Variants in SEC31A observed in about 807,000 individuals in gnomAD.
SEC31A encodes the protein SEC31 homolog A, COPII component.
SEC31A carries 70 observed loss-of-function variants against 151.0 expected under a neutral mutation model. That is an observed-to-expected ratio of 0.46 (90% CI 0.38 to 0.57). The LOEUF (loss-of-function observed/expected upper bound fraction) is 0.57. Ranked by LOEUF, SEC31A falls within the 20% of genes least tolerant of loss-of-function variation. The pLI is 0.00. For missense variants in SEC31A, 1,330 were observed against 1,471.2 expected (o/e 0.90, Z 1.57); for synonymous variants, 475 against 505.9 (o/e 0.94, Z 0.82).
Position 82,851,588 on chromosome 4 carries a change from A to C in SEC31A, c.2171T>G (p.Val724Gly), listed in dbSNP as rs1390871105. The change falls in exon 19 of 27, where the codon GTT becomes GGT. Residue 724 changes from valine to glycine, a missense_variant. Physicochemically the swap from Val to Gly is moderately radical, Grantham distance 109 (BLOSUM62 -3). Coordinates refer to ENST00000395310, the MANE Select transcript of SEC31A (RefSeq NM_001077207.4). Reference sequence around the variant, plus strand: ...TTGCACAGCTTTTCGCAGGATGACAACTTTCTCAATCAGATCCTAAATGAA... The same window carrying C: ...TTGCACAGCTTTTCGCAGGATGACACCTTTCTCAATCAGATCCTAAATGAA... ...PLSLQDLIEKVVILRKAVQLT... is the reference protein window; with the variant it reads ...PLSLQDLIEKGVILRKAVQLT... 1.2e-6 allele frequency: 2 copies of C among 1,610,878 alleles called. No individual in the cohort carries two copies. The highest frequency in any genetic ancestry group is 2.2e-5 in the East Asian group (1 of 44,792).
intron 22 of SEC31A, among the ~76,000 whole-genome samples, chr4:82,839,132 A>G (rs1019771498): frequency 6.6e-6 from 1 of 151,388 alleles, no homozygotes; most frequent in Non-Finnish European, 1.5e-5. Context: ...GCCCGCCACC[A>G]CGTCCAGCTA....
At position 82,824,623 on chromosome 4, in the gene SEC31A, C is replaced by T. The variant is rs763431654; in HGVS notation, c.3343G>A (p.Glu1115Lys). 54 of 1,613,892 alleles carry T rather than the reference C, an allele frequency of 3.3e-5. No homozygotes were observed. Among genetic ancestry groups the T allele is most frequent in the Non-Finnish European group, 3.9e-5 (46 of 1,179,940 alleles). ...KKITKKPIPD[E>K]HLILKTTFED... ...AATGTGGTCTTTAGAATGAGGTGCT[C>T]ATCTGGAATAGGTTTCTTGGTAATT... The change falls in exon 25 of 27, where the codon GAG (glutamate) becomes AAG (lysine). Residue 1115 changes from glutamate to lysine, a missense_variant. By Grantham distance (56) the Glu-to-Lys change is moderately conservative. Coordinates refer to ENST00000395310, the MANE Select transcript of SEC31A (RefSeq NM_001077207.4).
intron 14 of SEC31A, among the ~76,000 whole-genome samples, chr4:82,858,781 C>A (rs903879565): frequency 6.6e-6 from 1 of 151,576 alleles, no homozygotes; most frequent in Non-Finnish European, 1.5e-5. Flanking sequence ...CGGCTCACTG[C>A]AAACTCTGCC....
chr4:82,871,355 T>C, intron 7 of SEC31A: 1 of 1,518,804 alleles, frequency 6.6e-7, no homozygotes, highest in Non-Finnish European at 8.8e-7. Flanking sequence ...GTAGGTACAG[T>C]AAAATGTTTT....
chr4:82,848,716 G>A, intron 20 of SEC31A, 88 bp downstream of exon 20: 2 of 1,122,882 alleles, frequency 1.8e-6, no homozygotes, highest in Non-Finnish European at 2.5e-6. Flanking sequence ...TACCATATCA[G>A]AGAAGGTCTC....
chr4:82,867,409 T>C (rs2045479), intron 8 of SEC31A, 93 bp from the exon 9 acceptor site: 985,235 of 997,644 alleles, frequency 0.99, 487,250 homozygotes, highest in East Asian at 1. Flanking sequence ...ACAAGTATAG[T>C]TAAATTGAAT....
rs140565145 is a variant in SEC31A at position 82,869,679 on chromosome 4, T to C, written c.882+646A>G. On this transcript the variant is annotated intron_variant, in intron 8 of 26. Transcript: ENST00000395310. Reference sequence around the variant, plus strand: ...TTAATTTTTTTTCTCTTGTCTCCCCTAATGTTAATGATTCTATATTGTTAC... The same window carrying C: ...TTAATTTTTTTTCTCTTGTCTCCCCCAATGTTAATGATTCTATATTGTTAC... 3.0e-3 allele frequency among the ~76,000 whole-genome samples: 454 copies of C among 152,304 alleles called. 2 individuals are homozygous for C. The highest frequency in any genetic ancestry group is 0.01 in the African/African-American group (427 of 41,578).
At chr4:82,864,644 G>C (rs1210822995) in intron 10 of SEC31A, 46 bp from the exon 11 acceptor site, 2 of 1,542,662 alleles carry the variant, frequency 1.3e-6, no homozygotes, top group Non-Finnish European at 1.8e-6. Flanking sequence ...CCAAGGATAT[G>C]GCCAAAAAAA....
At chr4:82,867,078 T>C (rs1735578490) in intron 9 of SEC31A, 77 bp downstream of exon 9, 2 of 1,545,792 alleles carry the variant, frequency 1.3e-6, no homozygotes. Flanking sequence ...TGTTAATCAG[T>C]GAAGTCATTT....
chr4:82,858,268 G>A (rs188405108), intron 14 of SEC31A, among the ~76,000 whole-genome samples: 10 of 151,872 alleles, frequency 6.6e-5, no homozygotes, highest in South Asian at 2.1e-4. Flanking sequence ...AAAATTGGCC[G>A]GGTGCTGTGA....
At chr4:82,870,119 C>A (rs1458969036) in intron 8 of SEC31A, among the ~76,000 whole-genome samples, 1 of 152,146 alleles carries the variant, frequency 6.6e-6, no homozygotes, top group Non-Finnish European at 1.5e-5. Context: ...TTAAAATATA[C>A]TATTTGAATT....
chr4:82,856,447 C>G (rs1732679075), intron 16 of SEC31A, among the ~76,000 whole-genome samples: 1 of 151,768 alleles, frequency 6.6e-6, no homozygotes, highest in Non-Finnish European at 1.5e-5. Context: ...CTGCGCCCAG[C>G]CGCAATTAAA....
chr4:82,851,311 G>A (rs888907589), intron 19 of SEC31A, 120 bp downstream of exon 19: 2 of 736,758 alleles, frequency 2.7e-6, no homozygotes, highest in African/African-American at 1.8e-5. Context: ...CTGCAGTCAG[G>A]TTACAGAAAT....
Position 82,851,517 on chromosome 4 carries a change from C to T in SEC31A, c.2242G>A (p.Ala748Thr). 6.2e-7 allele frequency: 1 copy of T among 1,614,106 alleles called. No individual in the cohort carries two copies. The highest frequency in any genetic ancestry group is 8.5e-7 in the Non-Finnish European group (1 of 1,179,950). Reference sequence around the variant, plus strand: ...AAATTGGCATACTGACTCATCTTCGCAGCCAAGAGAACTCCTACAGTACTA... The same window carrying T: ...AAATTGGCATACTGACTCATCTTCGTAGCCAAGAGAACTCCTACAGTACTA... ...DTSTVGVLLA[A>T]KMSQYANLLA... Residue 748 changes from alanine (A) to threonine (T), a missense_variant, in exon 19 of 27, where the codon GCG becomes ACG. Physicochemically the swap from Ala to Thr is moderately conservative, Grantham distance 58. Coordinates refer to ENST00000395310, the MANE Select transcript of SEC31A (RefSeq NM_001077207.4).
At chr4:82,844,279 A>G (rs1200933477) in intron 21 of SEC31A, 107 bp downstream of exon 21, 1 of 1,234,450 alleles carries the variant, frequency 8.1e-7, no homozygotes, top group Non-Finnish European at 1.1e-6. Flanking sequence ...CCTATGCACA[A>G]TGGTTCTTAC....
intron 22 of SEC31A, among the ~76,000 whole-genome samples, chr4:82,839,435 G>A (rs995689426): frequency 6.6e-6 from 1 of 152,100 alleles, no homozygotes; most frequent in African/African-American, 2.4e-5. Context: ...ACAGGCATGA[G>A]CCACCGCGCC....
chr4:82,862,234 CA>C (rs1468585096), intron 13 of SEC31A, among the ~76,000 whole-genome samples: 1 of 141,646 alleles, frequency 7.1e-6, no homozygotes, highest in African/African-American at 2.6e-5. Flanking sequence ...TCTTTCCTAC[CA>C]TTTTTTTTTT....
rs372258422 is a variant in SEC31A at position 82,839,876 on chromosome 4, G to A, written c.2968+2264C>T. ...TATATAAACAAAGACTAATCTCAAG[G>A]CCACAGGCACTTCTGCTTAAGGAGA... On this transcript the variant is annotated intron_variant, in intron 22 of 26. Transcript: ENST00000395310. Among the ~76,000 whole-genome samples the A allele has an allele frequency of 7.2e-5, 11 of 152,248 alleles. No individual in the cohort carries two copies. In the East Asian group the frequency reaches 1.9e-3, roughly 27 times the overall value.
chr4:82,891,105 C>G lies in SEC31A; in HGVS notation c.-22G>C. 1 of 1,535,976 alleles carries G rather than the reference C, an allele frequency of 6.5e-7. No individual in the cohort carries two copies. The highest frequency in any genetic ancestry group is 8.7e-7 in the Non-Finnish European group (1 of 1,146,788). On this transcript the variant is annotated 5_prime_UTR_variant, in exon 1 of 27. Transcript: ENST00000395310. ...GGACGCACCTGGCGAGGACCTTCGG[C>G]AGCCGGATCCTGCGTTAGTGCAGCG...
Sources: gnomAD v4.1 joint callset for allele counts (sites outside exome capture counted in the v4.1 genomes callset) on GRCh38, gnomAD v4.1.1 for gene constraint, MANE v1.5 for transcripts, NCBI Gene and HGNC (gene_info 2026-07-23, HGNC 2026-07-21) for gene names.